The following MGST1 variants were observed in gnomAD, a reference collection of about 807,000 sequenced individuals.
MGST1 encodes the protein microsomal glutathione S-transferase 1, also known as glutathione S-transferase 12.
Under a neutral mutation model 8.9 loss-of-function variants are expected in MGST1, and 5 were observed. The observed-to-expected ratio is 0.56, with a 90% confidence interval of 0.29 to 1.19. MGST1 has a LOEUF of 1.19. MGST1 is among the 50% of genes most tolerant of loss of function. The pLI is 0.08. For missense variants in MGST1, 182 were observed against 187.4 expected (o/e 0.97, Z 0.17); for synonymous variants, 54 against 67.8 (o/e 0.80, Z 1.00).
intron 4 of MGST1, among the ~76,000 whole-genome samples, chr12:16,545,843 T>G (rs555376918): frequency 1.3e-5 from 2 of 152,198 alleles, no homozygotes; most frequent in Admixed American, 1.3e-4. Context: ...TGTTTGGAAT[T>G]TTTGCTCAAG....
At chr12:16,530,187 C>T (rs1409725126) in intron 4 of MGST1, among the ~76,000 whole-genome samples, 1 of 151,996 alleles carries the variant, frequency 6.6e-6, no homozygotes, top group Admixed American at 6.6e-5. Context: ...TGTTTTTATA[C>T]TTCATCTAAT....
At chr12:16,439,113 T>TAA (rs5796672), downstream of MGST1, among the ~76,000 whole-genome samples, 6 of 144,420 alleles carry the variant, frequency 4.2e-5, no homozygotes, top group South Asian at 4.3e-4. Context: ...GTAAGACATG[T>TAA]AAAAAAAAAA....
At chr12:16,533,931 A>G (rs1443922639) in intron 4 of MGST1, among the ~76,000 whole-genome samples, 1 of 152,140 alleles carries the variant, frequency 6.6e-6, no homozygotes, top group Non-Finnish European at 1.5e-5. Context: ...GGAACAGCAT[A>G]GGTAGGAACA....
chr12:16,439,780 A>G (rs1591728713), downstream of MGST1, among the ~76,000 whole-genome samples: 1 of 151,968 alleles, frequency 6.6e-6, no homozygotes, highest in Non-Finnish European at 1.5e-5. Context: ...AACCTGCTTC[A>G]TTAATTAAAT....
intron 1 of MGST1, among the ~76,000 whole-genome samples, chr12:16,397,860 A>T: frequency 6.7e-6 from 1 of 149,476 alleles, no homozygotes; most frequent in East Asian, 1.9e-4. Flanking sequence ...TATTTAATAT[A>T]TATTTTAGTG....
intron 1 of MGST1, among the ~76,000 whole-genome samples, chr12:16,396,237 C>A (rs1365462335): frequency 6.6e-6 from 1 of 152,006 alleles, no homozygotes; most frequent in Non-Finnish European, 1.5e-5. Context: ...ATCCAGCATC[C>A]CTCTATGATT....
At chr12:16,350,947 C>CGG (rs1939435307) in intron 1 of MGST1, 1 of 152,092 alleles carries the variant, frequency 6.6e-6, no homozygotes, top group African/African-American at 2.4e-5. Context: ...GCCCTTTTTC[C>CGG]CAGCCACTGA....
At chr12:16,421,639 C>T (rs1041948279) in intron 1 of MGST1, among the ~76,000 whole-genome samples, 1 of 152,148 alleles carries the variant, frequency 6.6e-6, no homozygotes, top group Non-Finnish European at 1.5e-5. Context: ...TCTATCAAAC[C>T]TGTAGTTTCT....
In MGST1 at chr12:16,369,611, A is replaced by T. The variant is rs1429742808; in HGVS notation, c.222-6511A>T. Among the ~76,000 whole-genome samples, 1 of 152,184 alleles carries T rather than the reference A, an allele frequency of 6.6e-6. No homozygotes were observed. Among genetic ancestry groups the T allele is most frequent in the Non-Finnish European group, 1.5e-5 (1 of 68,024 alleles). On this transcript the variant is annotated intron_variant, in intron 3 of 3. Transcript: ENST00000535309. The surrounding 1 kb of genome is among the most constrained non-coding windows in gnomAD (Gnocchi z 4.8). Reference sequence around the variant, plus strand: ...TATAAATAATGTTTTATTGGAACGCAGCAGTACTTACTTATTTTTATATTT... The same window carrying T: ...TATAAATAATGTTTTATTGGAACGCTGCAGTACTTACTTATTTTTATATTT...
chr12:16,366,650 CACACACACACACACATACACACACACAT>C (rs1591706694), downstream of MGST1, among the ~76,000 whole-genome samples: 24 of 72,176 alleles, frequency 3.3e-4, no homozygotes, highest in East Asian at 3.7e-3. The surrounding 1 kb of genome is among the most constrained non-coding windows in gnomAD (Gnocchi z 4.0). Context: ...CACACACACA[CACACACACACACACATACACACACACAT>C]ACTACCATCA....
chr12:16,435,923 T>C (rs1444456498), intron 1 of MGST1, among the ~76,000 whole-genome samples: 1 of 151,766 alleles, frequency 6.6e-6, no homozygotes, highest in Non-Finnish European at 1.5e-5. Context: ...ATAAGAACTA[T>C]ATAGGAAAAT....
At chr12:16,408,439 T>C (rs149732245) in intron 1 of MGST1, among the ~76,000 whole-genome samples, 2 of 152,316 alleles carry the variant, frequency 1.3e-5, no homozygotes, top group East Asian at 1.9e-4. Flanking sequence ...TATAGAATTA[T>C]AATGTGATAG....
intron 1 of MGST1, among the ~76,000 whole-genome samples, chr12:16,428,215 A>T (rs555318395): frequency 6.7e-6 from 1 of 148,976 alleles, no homozygotes; most frequent in African/African-American, 2.5e-5. Flanking sequence ...ACTTAAAAAT[A>T]TTTTTTTTTT....
rs188766629 is a variant in MGST1, at chr12:16,401,003, C to T, written n.778+17399C>T. 1,808 of 1,533,476 alleles carry T rather than the reference C, an allele frequency of 1.2e-3. 1 individual carries two copies. The highest frequency in any genetic ancestry group is 1.5e-3 in the Non-Finnish European group (1,652 of 1,107,198). 95.0% of individuals were successfully genotyped at this position (1,533,476 alleles called of 1,614,324 possible). On this transcript the variant is annotated intron_variant and non_coding_transcript_variant, in intron 1 of 1. Transcript: ENST00000359720. This position sits in a 1 kb window ranked among gnomAD's most constrained non-coding sequence, Gnocchi z 4.3. ...CACTAGTTCTTTTTGATGTGCTCTT[C>T]ACTTCTCTTCTGCAGTCATTTCATT...
chr12:16,533,717 G>C (rs1458207418), intron 4 of MGST1, among the ~76,000 whole-genome samples: 2 of 81,658 alleles, frequency 2.4e-5, no homozygotes, highest in Non-Finnish European at 5.8e-5. Context: ...CAGTCTAGTG[G>C]GGGATGCAAA....
chr12:16,451,316 A>G (rs1178425361), intron 4 of MGST1, among the ~76,000 whole-genome samples: 1 of 151,920 alleles, frequency 6.6e-6, no homozygotes, highest in African/African-American at 2.4e-5. Flanking sequence ...AGGTCCCATG[A>G]GGCTAAAACA....
chr12:16,446,588 C>T (rs1009682743), intron 4 of MGST1, among the ~76,000 whole-genome samples: 15 of 152,052 alleles, frequency 9.9e-5, no homozygotes, highest in African/African-American at 2.9e-4. Flanking sequence ...ACCACTCCAA[C>T]CTTACCAGTC....
intron 4 of MGST1, among the ~76,000 whole-genome samples, chr12:16,539,426 C>A (rs1305540535): frequency 9.2e-5 from 14 of 152,136 alleles, no homozygotes; most frequent in Admixed American, 9.2e-4. Context: ...ATTATAAATA[C>A]TTGTAATTCC....
chr12:16,535,712 T>A (rs1296784423), intron 4 of MGST1, among the ~76,000 whole-genome samples: 1 of 152,176 alleles, frequency 6.6e-6, no homozygotes, highest in African/African-American at 2.4e-5. Context: ...TGGCTCTTAA[T>A]ATATTTCCCA....
Sources: gnomAD v4.1 joint callset for allele counts (sites outside exome capture counted in the v4.1 genomes callset) on GRCh38, gnomAD v4.1.1 for gene constraint, Gnocchi (gnomAD v3.1) non-coding constraint, MANE v1.5 for transcripts, NCBI Gene and HGNC (gene_info 2026-07-23, HGNC 2026-07-21) for gene names.